DNAH12: variants seen among roughly 807,000 people sequenced by gnomAD.
The protein encoded by DNAH12 is axonemal beta dynein heavy chain 12.
In DNAH12, 285 loss-of-function variants were observed where a neutral mutation model predicts 371.5. The observed-to-expected ratio is 0.77, with a 90% CI of 0.70 to 0.85. The LOEUF (loss-of-function observed/expected upper bound fraction) is 0.85, where lower values mean the gene tolerates loss of function less well. Among genes scored for constraint, DNAH12 ranks in the 40% least tolerant of loss-of-function variants. The pLI, the probability that DNAH12 is intolerant of heterozygous loss-of-function variation, is 0.00. For synonymous variants in DNAH12, 1,200 were observed against 1,213.0 expected, an observed-to-expected ratio of 0.99 and a Z score of 0.22; for missense variants, 3,611 against 3,689.4, an observed-to-expected ratio of 0.98 and a Z score of 0.55.
chr3:57,481,730 C>T (rs954475300), intron 13 of DNAH12, among the ~76,000 whole-genome samples: 11 of 152,000 alleles, frequency 7.2e-5, no homozygotes, highest in African/African-American at 1.5e-4. Context: ...GAGATATAGA[C>T]CAATGGAACA....
In DNAH12 at chr3:57,542,957, T is replaced by G. The variant is rs1361746814; in HGVS notation, c.-33-54A>C. ...ATTATGTCAGCAAGCCTCGACACAT[T>G]CATAACATATCTAACATATCAATAC... On this transcript the variant is annotated intron_variant, in intron 1 of 73. Coordinates refer to ENST00000495027, the MANE Select transcript of DNAH12 (RefSeq NM_001366028.2). The G allele has an allele frequency of 9.9e-6, 13 of 1,312,652 alleles. No homozygotes were observed. In the Admixed American group the frequency reaches 3.3e-4, roughly 33 times the overall value. The allele number at this position is 1,312,652 out of a possible 1,614,324, so 81.3% of individuals were successfully genotyped here.
rs1390683775 is a variant in DNAH12, at chr3:57,397,695, G to A, written c.6949-3363C>T. ...TGAGAAGAAACAGGAAATTAAGACA[G>A]TCAAAAGCACTCATACATGCAACAA... On this transcript the variant is annotated intron_variant, in intron 43 of 73. Transcript: ENST00000495027. Among the ~76,000 whole-genome samples, 5 of 152,270 alleles carry A rather than the reference G, an allele frequency of 3.3e-5. No homozygotes were observed. The East Asian group carries it at 9.6e-4, about 29-fold the overall frequency.
intron 62 of DNAH12, among the ~76,000 whole-genome samples, chr3:57,326,451 G>A (rs1224680734): frequency 2.0e-5 from 3 of 152,066 alleles, no homozygotes; most frequent in Non-Finnish European, 2.9e-5. Context: ...TTCATATCCA[G>A]CCAAACTAAG....
intron 13 of DNAH12, 120 bp from the exon 14 acceptor site, chr3:57,472,791 A>G: frequency 3.7e-6 from 4 of 1,076,288 alleles, no homozygotes; most frequent in South Asian, 1.5e-5. Context: ...CAGATTATTA[A>G]CTGATATTTT....
At chr3:57,519,075 T>C (rs559339891) in intron 4 of DNAH12, among the ~76,000 whole-genome samples, 1 of 152,328 alleles carries the variant, frequency 6.6e-6, no homozygotes, top group East Asian at 1.9e-4. Flanking sequence ...TTGTCACTGA[T>C]TTTTATTTCA....
At chr3:57,315,700 G>A (rs1337667716) in intron 65 of DNAH12, among the ~76,000 whole-genome samples, 1 of 152,090 alleles carries the variant, frequency 6.6e-6, no homozygotes, top group South Asian at 2.1e-4. Context: ...TAGGGAAAGG[G>A]AGGCAGAGAA....
chr3:57,459,067 T>G (rs970452432), intron 20 of DNAH12, among the ~76,000 whole-genome samples: 1 of 152,222 alleles, frequency 6.6e-6, no homozygotes, highest in African/African-American at 2.4e-5. Flanking sequence ...TGGATGCATA[T>G]CTATGGACTA....
At chr3:57,382,658 C>A (rs1462693386) in intron 49 of DNAH12, among the ~76,000 whole-genome samples, 1 of 151,896 alleles carries the variant, frequency 6.6e-6, no homozygotes, top group Admixed American at 6.6e-5. Flanking sequence ...ATAAATCCAC[C>A]AGAAAATATA....
Position 57,446,603 on chromosome 3 carries a change from T to C in DNAH12, c.3873A>G (p.Lys1291=), listed in dbSNP as rs146242022. ...ACACCACACACTGTACAGCAAGAGC[T>C]TTAGCCAAGTCCTTGGTGGTTTCGG... The part of the protein sequence containing the change: ...GKTETTKDLA[K]ALAVQCVVFN... Residue 1291 remains lysine (K), a synonymous_variant, in exon 26 of 74, where the codon AAA becomes AAG. Coordinates refer to ENST00000495027, the MANE Select transcript of DNAH12 (RefSeq NM_001366028.2). 0.029 allele frequency: 44,997 copies of C among 1,550,414 alleles called. 746 individuals carry two copies. The highest frequency in any genetic ancestry group is 0.034 in the Middle Eastern group (201 of 5,992).
intron 2 of DNAH12, chr3:57,531,039 TAA>T (rs1180890095): frequency 6.6e-6 from 1 of 152,388 alleles, no homozygotes; most frequent in African/African-American, 2.4e-5. Flanking sequence ...TCTTTCTACT[TAA>T]GAGTAGTTTA....
upstream of DNAH12, among the ~76,000 whole-genome samples, chr3:57,547,225 T>C (rs949655155): frequency 6.6e-6 from 1 of 151,644 alleles, no homozygotes; most frequent in Non-Finnish European, 1.5e-5. Flanking sequence ...GATATAGATA[T>C]AGATATAGAT....
At chr3:57,457,308 T>C (rs1260114398) in intron 22 of DNAH12, among the ~76,000 whole-genome samples, 1 of 152,198 alleles carries the variant, frequency 6.6e-6, no homozygotes, top group Non-Finnish European at 1.5e-5. Context: ...TCCAGACATA[T>C]TTGTCTTCTT....
At chr3:57,530,664 A>G in intron 2 of DNAH12, 1 of 463,014 alleles carries the variant, frequency 2.2e-6, no homozygotes, top group East Asian at 3.5e-5. Context: ...GCTGTCACTG[A>G]GCACGATGCA....
intron 2 of DNAH12, among the ~76,000 whole-genome samples, chr3:57,538,321 A>G (rs200592875): frequency 6.6e-6 from 1 of 151,428 alleles, no homozygotes; most frequent in South Asian, 2.1e-4. Flanking sequence ...CTCAGTATTA[A>G]TACAGCACTA....
intron 62 of DNAH12, among the ~76,000 whole-genome samples, chr3:57,325,086 A>G (rs1028575382): frequency 3.5e-4 from 54 of 152,344 alleles, no homozygotes; most frequent in Admixed American, 2.7e-3. Flanking sequence ...ACTGGGTGGA[A>G]CCCACCACAG....
At position 57,467,869 on chromosome 3, in the gene DNAH12, G is replaced by C. The variant is rs904351590; in HGVS notation, c.2349+867C>G. ...CCTACACTCCACAGTGGTGCTTCAT[G>C]ATGAGGAGCTAAAGTTGTGGGAATG... On this transcript the variant is annotated intron_variant, in intron 17 of 73. Coordinates refer to ENST00000495027, the MANE Select transcript of DNAH12 (RefSeq NM_001366028.2). Among the ~76,000 whole-genome samples the C allele has an allele frequency of 4.6e-5, 7 of 152,208 alleles. No individual in the cohort carries two copies. The South Asian group carries it at 6.2e-4, about 14-fold the overall frequency.
At chr3:57,417,349 C>T (rs1451110483) in intron 37 of DNAH12, among the ~76,000 whole-genome samples, 11 of 152,106 alleles carry the variant, frequency 7.2e-5, no homozygotes, top group Admixed American at 7.2e-4. Context: ...CCAAACTATG[C>T]TAGTATTAAT....
rs374595639 is a variant in DNAH12, at chr3:57,435,540, G to A, written c.4655+1411C>T. Reference sequence around the variant, plus strand: ...ATGGCTTATTAAGGACAGTAGTTACGGATATAGGAACATGGAGCTGTCTAG... The same window carrying A: ...ATGGCTTATTAAGGACAGTAGTTACAGATATAGGAACATGGAGCTGTCTAG... On this transcript the variant is annotated intron_variant, in intron 30 of 73. Coordinates refer to ENST00000495027, the MANE Select transcript of DNAH12 (RefSeq NM_001366028.2). 1.2e-3 allele frequency among the ~76,000 whole-genome samples: 177 copies of A among 152,192 alleles called. 2 individuals carry two copies. The highest frequency in any genetic ancestry group is 3.8e-3 in the African/African-American group (158 of 41,522).
chr3:57,494,565 C>CAAAACAAAACAAAACATTGTACT (rs1294385702), intron 11 of DNAH12, among the ~76,000 whole-genome samples: 1 of 151,160 alleles, frequency 6.6e-6, no homozygotes, highest in Non-Finnish European at 1.5e-5. Flanking sequence ...CTGTCTAAAA[C>CAAAACAAAACAAAACATTGTACT]AAAACAAAAC....
Sources: allele counts gnomAD v4.1 joint callset (sites outside exome capture counted in the v4.1 genomes callset), GRCh38; gene constraint gnomAD v4.1.1; transcripts MANE v1.5; gene names NCBI Gene and HGNC (gene_info 2026-07-23, HGNC 2026-07-21).